Variants in PPL observed in about 807,000 individuals in gnomAD.
PPL encodes 190 kDa paraneoplastic pemphigus antigen.
Under a neutral mutation model 194.4 loss-of-function variants are expected in PPL, and 198 were observed. The ratio of observed to expected loss-of-function variants is 1.02; its 90% CI spans 0.91 to 1.15. The LOEUF is 1.15. PPL is among the 50% of genes most tolerant of loss of function. PPL has a pLI of 0.00. For synonymous variants in PPL, 1,220 were observed against 972.4 expected (o/e 1.25, Z -4.74); for missense variants, 2,885 against 2,294.8 (o/e 1.26, Z -5.25).
At chr16:4,907,145 C>A (rs2088704288) in intron 2 of PPL, among the ~76,000 whole-genome samples, 1 of 151,116 alleles carries the variant, frequency 6.6e-6, no homozygotes, top group South Asian at 2.1e-4. Context: ...GCCTGTAGTC[C>A]CAGCTACTTG....
At chr16:4,922,136 A>G (rs1405945009) in intron 1 of PPL, among the ~76,000 whole-genome samples, 2 of 152,124 alleles carry the variant, frequency 1.3e-5, no homozygotes, top group African/African-American at 4.8e-5. Flanking sequence ...CCAAAGCCAG[A>G]CAGCCCGGGG....
chr16:4,890,445 C>G (rs1199568414), intron 17 of PPL, 111 bp from the exon 18 acceptor site: 3 of 1,322,516 alleles, frequency 2.3e-6, no homozygotes, highest in Non-Finnish European at 3.0e-6. Flanking sequence ...AGAAATACCC[C>G]AAGTATCTCC....
chr16:4,916,252 G>T (rs1374978915), intron 1 of PPL, among the ~76,000 whole-genome samples: 1 of 151,952 alleles, frequency 6.6e-6, no homozygotes, highest in Non-Finnish European at 1.5e-5. Flanking sequence ...TCACCCTGTT[G>T]CCCAGGCTGG....
intron 3 of PPL, 57 bp downstream of exon 3, chr16:4,903,829 C>T (rs752096245): frequency 6.9e-6 from 11 of 1,596,788 alleles, no homozygotes; most frequent in Admixed American, 5.0e-5. Context: ...CAGGACCCCC[C>T]GCCCTGGCCC....
At chr16:4,898,017 G>C (rs972768914) in intron 8 of PPL, among the ~76,000 whole-genome samples, 5 of 152,228 alleles carry the variant, frequency 3.3e-5, no homozygotes, top group Non-Finnish European at 7.3e-5. Flanking sequence ...AAGGGCAAGT[G>C]GGGGCTGTGG....
At chr16:4,895,570 C>A (rs374919303) in intron 10 of PPL, 24 bp downstream of exon 10, 145 of 1,613,526 alleles carry the variant, frequency 9.0e-5, no homozygotes, top group Non-Finnish European at 1.1e-4. Flanking sequence ...CCCGGGCCAG[C>A]AGGGGTCCTG....
In PPL at chr16:4,895,257, G is replaced by A. The variant is rs1189702851; in HGVS notation, c.1242+4C>T. On this transcript the variant is annotated splice_donor_region_variant and intron_variant, in intron 11 of 21. Coordinates refer to ENST00000345988, the MANE Select transcript of PPL (RefSeq NM_002705.5). ...ATGTGAACAGAGGAGCTGGCCCCAC[G>A]CACCTGCTCCCCCTCAAAGTCACAG... The A allele has an allele frequency of 6.9e-6, 11 of 1,597,136 alleles. No individual in the cohort carries two copies. The highest frequency in any genetic ancestry group is 1.8e-5 in the Admixed American group (1 of 56,260).
chr16:4,891,436 CTTTTTTT>C (rs57933525), intron 16 of PPL: 79 of 113,724 alleles, frequency 6.9e-4, no homozygotes, highest in East Asian at 1.5e-3. Context: ...GTGCTTTATG[CTTTTTTT>C]TTTTTTTTTT....
At chr16:4,915,772 G>A (rs2088904617) in intron 1 of PPL, among the ~76,000 whole-genome samples, 1 of 152,212 alleles carries the variant, frequency 6.6e-6, no homozygotes, top group African/African-American at 2.4e-5. Context: ...TGACAACCCT[G>A]AGAGCTGGGT....
At chr16:4,925,780 G>C (rs1167629676) in intron 1 of PPL, among the ~76,000 whole-genome samples, 2 of 152,162 alleles carry the variant, frequency 1.3e-5, no homozygotes, top group Admixed American at 1.3e-4. Flanking sequence ...GCTTCAAAAA[G>C]CCACCTTCTC....
chr16:4,913,044 C>G (rs1183053082), intron 1 of PPL, among the ~76,000 whole-genome samples: 1 of 151,572 alleles, frequency 6.6e-6, no homozygotes, highest in Non-Finnish European at 1.5e-5. Context: ...GTGGAGGTGG[C>G]AGTGAGCTGA....
At chr16:4,935,482 G>T (rs886084287) in intron 1 of PPL, among the ~76,000 whole-genome samples, 1 of 152,222 alleles carries the variant, frequency 6.6e-6, no homozygotes, top group African/African-American at 2.4e-5. Flanking sequence ...GCAGGGACTG[G>T]ACGGGCCTCT....
intron 2 of PPL, among the ~76,000 whole-genome samples, chr16:4,909,238 C>A (rs1371341286): frequency 1.3e-5 from 2 of 152,148 alleles, no homozygotes; most frequent in African/African-American, 4.8e-5. Flanking sequence ...CCACCCCAGC[C>A]CACCTACCCG....
chr16:4,884,658 C>T lies in PPL; in HGVS notation c.3997G>A (p.Glu1333Lys), dbSNP rs1200967002. ...VDLERERASQ[E>K]EQIARKEEEL... Reference sequence around the variant, plus strand: ...TCCTCTTTCCGGGCGATCTGCTCTTCCTGGGAAGCTCTTTCCCTCTCCAGA... The same window carrying T: ...TCCTCTTTCCGGGCGATCTGCTCTTTCTGGGAAGCTCTTTCCCTCTCCAGA... Residue 1333 changes from glutamate (E) to lysine (K), a missense_variant, in exon 22 of 22, where the codon GAA becomes AAA. By Grantham distance (56) the Glu-to-Lys change is moderately conservative. Transcript: ENST00000345988. This position sits in a 1 kb window ranked among gnomAD's most constrained non-coding sequence, Gnocchi z 5.7. 1 of 1,614,110 alleles carries T rather than the reference C, an allele frequency of 6.2e-7. No homozygotes were observed. Among genetic ancestry groups the T allele is most frequent in the Non-Finnish European group, 8.5e-7 (1 of 1,180,032 alleles).
intron 9 of PPL, among the ~76,000 whole-genome samples, chr16:4,897,332 C>CAAAAA (rs57191109): frequency 5.6e-5 from 3 of 53,422 alleles, no homozygotes; most frequent in African/African-American, 1.4e-4. Flanking sequence ...AAGACTCTCT[C>CAAAAA]AAAAAAAAAA....
rs55930283 is a variant in PPL, at chr16:4,895,195, C to T, written c.1242+66G>A. On this transcript the variant is annotated intron_variant, in intron 11 of 21. Coordinates refer to ENST00000345988, the MANE Select transcript of PPL (RefSeq NM_002705.5). ...GCTCCTGAGAACGGCGCCTGAGGCC[C>T]GGGATCCAACCATGTTACCCCAAAA... 1.5e-3 allele frequency: 2,180 copies of T among 1,499,618 alleles called. 20 individuals are homozygous for T. The African/African-American group carries it at 0.027, about 19-fold the overall frequency. 92.9% of individuals were successfully genotyped at this position (1,499,618 alleles called of 1,614,324 possible). A position where few individuals can be genotyped will look rare whatever the true frequency, so the allele number is the denominator to read the frequency against.
Position 4,883,802 on chromosome 16 carries a change from T to A in PPL, c.4853A>T (p.Glu1618Val), listed in dbSNP as rs749619988. ...GGAGAGCCTCTTGAGGTCATCCAGT[T>A]CCCTCTCCAGGGACCACAGTCTGGA... ...HDSRLWSLER[E>V]LDDLKRLSKD... is the part of the protein sequence containing the mutation. The change falls in exon 22 of 22, where the codon GAA (glutamate) becomes GTA (valine). Residue 1618 changes from glutamate to valine, a missense_variant. By Grantham distance (121) the Glu-to-Val change is moderately radical. Transcript: ENST00000345988. This position sits in a 1 kb window ranked among gnomAD's most constrained non-coding sequence, Gnocchi z 4.8. The A allele has an allele frequency of 1.2e-6, 2 of 1,614,124 alleles. No homozygotes were observed. The highest frequency in any genetic ancestry group is 1.7e-6 in the Non-Finnish European group (2 of 1,180,024).
chr16:4,911,034 C>T (rs879324051), intron 1 of PPL, 85 bp from the exon 2 acceptor site: 23 of 1,138,868 alleles, frequency 2.0e-5, no homozygotes, highest in African/African-American at 3.1e-5. Flanking sequence ...CTCTGGCTGG[C>T]CCCGGCCCCA....
chr16:4,937,127 G>A lies in PPL; in HGVS notation c.-82C>T. The A allele has an allele frequency of 2.1e-6, 2 of 968,410 alleles. No homozygotes were observed. The highest frequency in any genetic ancestry group is 1.8e-5 in the African/African-American group (1 of 55,996). 60.0% of individuals were successfully genotyped at this position (968,410 alleles called of 1,614,324 possible). A position where few individuals can be genotyped will look rare whatever the true frequency, so the allele number is the denominator to read the frequency against. On this transcript the variant is annotated 5_prime_UTR_variant, in exon 1 of 22. Transcript: ENST00000345988. The stretch of plus-strand genomic sequence containing the variant: ...CGGGCGGGAGCGCAGGTGAGCGAGC[G>A]GCGGCGCGGGGAGCCCGGACTGCGG...
Sources: gnomAD v4.1 joint callset for allele counts (sites outside exome capture counted in the v4.1 genomes callset) on GRCh38, gnomAD v4.1.1 for gene constraint, Gnocchi (gnomAD v3.1) non-coding constraint, MANE v1.5 for transcripts, NCBI Gene and HGNC (gene_info 2026-07-23, HGNC 2026-07-21) for gene names.